The following ATR variants were observed in gnomAD, a reference collection of about 807,000 sequenced individuals.
ATR encodes ATR checkpoint kinase, also known as serine/threonine-protein kinase ATR.
Under a neutral mutation model 305.3 loss-of-function variants are expected in ATR, and 142 were observed. The observed-to-expected ratio is 0.47, with a 90% CI of 0.41 to 0.53. ATR has a LOEUF of 0.53. ATR is among the 20% of genes least tolerant of loss of function. The probability of loss-of-function intolerance (pLI) is 0.00; values close to 1 mark genes in which losing one functional copy is unlikely to be tolerated. For synonymous variants in ATR, 1,050 were observed against 1,068.1 expected, an observed-to-expected ratio of 0.98 and a Z score of 0.33; for missense variants, 2,135 against 3,133.1, an observed-to-expected ratio of 0.68 and a Z score of 7.60.
Position 142,519,734 on chromosome 3 carries a change from A to G in ATR, c.4317T>C (p.Gly1439=). 1 of 1,614,174 alleles carries G rather than the reference A, an allele frequency of 6.2e-7. No homozygotes were observed. The highest frequency in any genetic ancestry group is 8.5e-7 in the Non-Finnish European group (1 of 1,179,988). ...CAGGAAATCTCCTCCACAATTGGTG[A>G]CCTGGGCCGTTGGTCTCCATCTCTC... The part of the protein sequence containing the change: ...DCREMETNGP[G]HQLWRRFPEH... Residue 1439 remains glycine, a synonymous_variant, in exon 24 of 47, where the codon GGT becomes GGC. Transcript: ENST00000350721.
In ATR at chr3:142,558,674, G is replaced by A. The variant is rs2108477446; in HGVS notation, c.1835C>T (p.Thr612Ile). 5.0e-6 allele frequency: 8 copies of A among 1,613,432 alleles called. No homozygotes were observed. The highest frequency in any genetic ancestry group is 6.8e-6 in the Non-Finnish European group (8 of 1,179,618). ...TAATGTTAGAAGATTAGCGGCAAAT[G>A]TGGTCAACTTTAAACAGCCATCATC... ...HSDDGCLKLTTFAANLLTLSC... is the reference protein window; with the variant it reads ...HSDDGCLKLTIFAANLLTLSC... The change falls in exon 8 of 47, where the codon ACA becomes ATA. Residue 612 changes from threonine (T) to isoleucine (I), a missense_variant. Around this residue, in one of 9 missense-constraint regions of ATR, gnomAD observed 744 missense variants for 873.2 expected, o/e 0.85. Transcript: ENST00000350721.
rs2034933781 is a variant in ATR, at chr3:142,562,863, C to T, written c.539G>A (p.Ser180Asn). ...ATATCCCATGTGTTCATCTAATTGA[C>T]TTAAAAATCGGCTCATGACCACTGG... ...EWPVVMSRFLSQLDEHMGYLQ... is the reference protein window; with the variant it reads ...EWPVVMSRFLNQLDEHMGYLQ... Residue 180 changes from serine to asparagine, a missense_variant, in exon 4 of 47, where the codon AGT becomes AAT. Physicochemically the swap from Ser to Asn is conservative, Grantham distance 46. Around this residue, in one of 9 missense-constraint regions of ATR, gnomAD observed 744 missense variants for 873.2 expected, o/e 0.85. Coordinates refer to ENST00000350721, the MANE Select transcript of ATR (RefSeq NM_001184.4). 2 of 1,610,336 alleles carry T rather than the reference C, an allele frequency of 1.2e-6. No individual in the cohort carries two copies. The highest frequency in any genetic ancestry group is 4.5e-5 in the East Asian group (2 of 44,868).
At chr3:142,459,424 T>A (rs548163649) in intron 42 of ATR, 41 bp from the exon 43 acceptor site, 45 of 1,607,332 alleles carry the variant, frequency 2.8e-5, no homozygotes, top group Admixed American at 2.0e-4. Context: ...ATCAGCCAAA[T>A]GAAAAAAGGG....
rs1443887493 is a variant in ATR at position 142,451,218 on chromosome 3, T to G, written c.7762-1616A>C. ...ATCGAGGTGCAGTACCACCTGATGC[T>G]GCACATCCAGATGCAGGTGTGCAAG... is the stretch of plus-strand genomic sequence containing the variant. On this transcript the variant is annotated intron_variant, in intron 46 of 46. Transcript: ENST00000350721. 4 of 1,190,368 alleles carry G rather than the reference T, an allele frequency of 3.4e-6. No homozygotes were observed. In the East Asian group the frequency reaches 2.3e-4, roughly 69 times the overall value. The allele number at this position is 1,190,368 out of a possible 1,614,324, so 73.7% of individuals were successfully genotyped here.
At chr3:142,485,379 C>G in intron 35 of ATR, 97 bp from the exon 36 acceptor site, 2 of 1,432,628 alleles carry the variant, frequency 1.4e-6, no homozygotes, top group Admixed American at 4.0e-5. Context: ...AGTATGTGAC[C>G]TTTATCTAGG....
chr3:142,545,664 TAGG>T (rs137866136), intron 16 of ATR, among the ~76,000 whole-genome samples: 2,727 of 152,170 alleles, frequency 0.018, 29 homozygotes, highest in South Asian at 0.041. Flanking sequence ...ACAGAACCAT[TAGG>T]AGATGTTCAC....
At chr3:142,515,246 T>G in intron 25 of ATR, 149 bp downstream of exon 25, 4 of 1,038,758 alleles carry the variant, frequency 3.9e-6, no homozygotes, top group Non-Finnish European at 4.2e-6. Flanking sequence ...GAAATTATTA[T>G]TCTCTATTAG....
At chr3:142,525,459 T>C (rs1403881872) in intron 21 of ATR, among the ~76,000 whole-genome samples, 1 of 152,178 alleles carries the variant, frequency 6.6e-6, no homozygotes, top group Non-Finnish European at 1.5e-5. Context: ...ACATTTTCAT[T>C]GGGATTGCAT....
chr3:142,450,201 C>T lies in ATR; in HGVS notation c.7762-599G>A, dbSNP rs1377557353. The T allele has an allele frequency of 1.6e-5, 9 of 548,388 alleles. No homozygotes were observed. In the Admixed American group the frequency reaches 1.8e-4, roughly 11 times the overall value. The allele number at this position is 548,388 out of a possible 1,614,324, so 34.0% of individuals were successfully genotyped here. A position where few individuals can be genotyped will look rare whatever the true frequency, so the allele number is the denominator to read the frequency against. On this transcript the variant is annotated intron_variant, in intron 46 of 46. Transcript: ENST00000350721. ...TCGACTTTTCCGCCAAGAGCCTGGA[C>T]TCCAAATATGACTTATGTTCCAGCA... is the stretch of plus-strand genomic sequence containing the variant.
intron 1 of ATR, among the ~76,000 whole-genome samples, chr3:142,577,144 C>A (rs2035466172): frequency 6.6e-6 from 1 of 152,102 alleles, no homozygotes; most frequent in Non-Finnish European, 1.5e-5. Flanking sequence ...AAAGCCATGA[C>A]AATTAAAAAC....
At chr3:142,571,118 C>G (rs1002914036) in intron 1 of ATR, among the ~76,000 whole-genome samples, 2 of 152,122 alleles carry the variant, frequency 1.3e-5, no homozygotes, top group African/African-American at 4.8e-5. Context: ...AAAACAAGAT[C>G]CTCTGCTTCA....
chr3:142,546,596 T>G (rs2034276337), intron 16 of ATR, among the ~76,000 whole-genome samples: 1 of 152,162 alleles, frequency 6.6e-6, no homozygotes, highest in Admixed American at 6.5e-5. Flanking sequence ...AAGAGCCAGT[T>G]ACATAGTCCT....
intron 36 of ATR, chr3:142,472,101 G>GTGTA (rs1214276362): frequency 1.3e-5 from 2 of 151,614 alleles, no homozygotes; most frequent in East Asian, 3.9e-4. Flanking sequence ...GTGTGTGTGT[G>GTGTA]TGTGTGTGTG....
intron 27 of ATR, among the ~76,000 whole-genome samples, chr3:142,510,116 A>G (rs1317606336): frequency 4.2e-5 from 1 of 23,546 alleles, no homozygotes; most frequent in Admixed American, 3.0e-4. Flanking sequence ...ACTGTCTCAG[A>G]AAAAAAAAAA....
At chr3:142,552,858 A>G (rs1365845621) in intron 13 of ATR, among the ~76,000 whole-genome samples, 1 of 151,966 alleles carries the variant, frequency 6.6e-6, no homozygotes, top group Non-Finnish European at 1.5e-5. Context: ...TAACACAGGA[A>G]CAGAAAACCA....
intron 1 of ATR, among the ~76,000 whole-genome samples, chr3:142,569,828 G>A (rs557679307): frequency 6.6e-6 from 1 of 151,798 alleles, no homozygotes; most frequent in South Asian, 2.1e-4. Context: ...TTGTATTTTA[G>A]TAGAGATGGG....
chr3:142,560,339 T>A lies in ATR; in HGVS notation c.1465A>T (p.Met489Leu), dbSNP rs776193162. 1 of 1,613,890 alleles carries A rather than the reference T, an allele frequency of 6.2e-7. No individual in the cohort carries two copies. Among genetic ancestry groups the A allele is most frequent in the Non-Finnish European group, 8.5e-7 (1 of 1,179,880 alleles). ...AAGACAACAGCAATTCCTTCTAACATCTCAATAACAGGATTCTTTAGGCCA... is the reference window on the plus strand; with the variant it reads ...AAGACAACAGCAATTCCTTCTAACAACTCAATAACAGGATTCTTTAGGCCA... ...YSGLKNPVIE[M>L]LEGIAVVLQL... is the part of the protein sequence containing the mutation. Residue 489 changes from methionine to leucine, a missense_variant, in exon 6 of 47, where the codon ATG (methionine) becomes TTG (leucine). Physicochemically the swap from Met to Leu is conservative, Grantham distance 15. Transcript: ENST00000350721.
intron 27 of ATR, among the ~76,000 whole-genome samples, chr3:142,511,425 G>T (rs2032556945): frequency 6.6e-6 from 1 of 152,124 alleles, no homozygotes; most frequent in South Asian, 2.1e-4. Flanking sequence ...GGAGGCTGAG[G>T]TGGGTGGATC....
At chr3:142,507,147 C>CTAAT (rs2032292017) in intron 28 of ATR, among the ~76,000 whole-genome samples, 1 of 152,196 alleles carries the variant, frequency 6.6e-6, no homozygotes, top group South Asian at 2.1e-4. Context: ...CTGCAAGTTA[C>CTAAT]TAATTTTCTA....
Sources: allele counts gnomAD v4.1 joint callset (sites outside exome capture counted in the v4.1 genomes callset), GRCh38; gene constraint gnomAD v4.1.1; regional missense constraint gnomAD v4.1.1; transcripts MANE v1.5; gene names NCBI Gene and HGNC (gene_info 2026-07-23, HGNC 2026-07-21).